BLTP1: variants seen among roughly 807,000 people sequenced by gnomAD.
BLTP1 encodes fragile site-associated protein.
the BLTP1 span, chr4:122,174,299 A>G: frequency 1.0e-5 from 10 of 985,074 alleles, no homozygotes; most frequent in Non-Finnish European, 1.2e-5. Flanking sequence ...ATGGCAGTGC[A>G]TAATTAAGGG....
the BLTP1 span, chr4:122,271,354 C>T: frequency 1.2e-6 from 2 of 1,613,838 alleles, no homozygotes; most frequent in Middle Eastern, 1.6e-4. Context: ...CCTTCAAAAC[C>T]AGAAAACATC....
At chr4:122,272,108 C>A in the BLTP1 span, 1 of 1,569,664 alleles carries the variant, frequency 6.4e-7, no homozygotes, top group Non-Finnish European at 8.6e-7. Flanking sequence ...GAATGTCCTT[C>A]CATTTTTCAG....
the BLTP1 span, among the ~76,000 whole-genome samples, chr4:122,164,152 TAGAA>T: frequency 2.6e-5 from 4 of 152,166 alleles, no homozygotes; most frequent in East Asian, 3.8e-4. Flanking sequence ...TTAAGAACCA[TAGAA>T]AGAAAGATGT....
chr4:122,240,009 G>A, the BLTP1 span: 2 of 1,614,026 alleles, frequency 1.2e-6, no homozygotes, highest in African/African-American at 2.7e-5. Context: ...GCCACTTACT[G>A]GACATGGAGA....
At chr4:122,286,038 G>A in the BLTP1 span, among the ~76,000 whole-genome samples, 5 of 152,272 alleles carry the variant, frequency 3.3e-5, no homozygotes, top group East Asian at 9.6e-4. Flanking sequence ...AGAGACATAT[G>A]TTTGTATAAT....
chr4:122,339,368 G>C, the BLTP1 span: 9 of 1,613,266 alleles, frequency 5.6e-6, no homozygotes, highest in East Asian at 2.2e-5. Flanking sequence ...ATGCTACTCA[G>C]AGTGGAACAA....
At chr4:122,245,164 G>A in the BLTP1 span, 4 of 1,576,760 alleles carry the variant, frequency 2.5e-6, no homozygotes, top group Middle Eastern at 1.7e-4. Flanking sequence ...AATTCAATGG[G>A]CATAGCAAAT....
the BLTP1 span, chr4:122,344,603 A>G: frequency 7.2e-7 from 1 of 1,390,492 alleles, no homozygotes. Context: ...ACTGTTTTCC[A>G]AAATTAAATA....
At chr4:122,269,352 A>C in the BLTP1 span, 1 of 923,468 alleles carries the variant, frequency 1.1e-6, no homozygotes, top group African/African-American at 1.8e-5. Flanking sequence ...ACAACAGACT[A>C]GACCTTCATT....
At chr4:122,276,974 C>A in the BLTP1 span, 23 of 979,778 alleles carry the variant, frequency 2.3e-5, no homozygotes, top group Non-Finnish European at 2.7e-5. Flanking sequence ...TGCAGCCCAG[C>A]AGAGATTATG....
chr4:122,235,039 G>A, the BLTP1 span: 106 of 1,577,716 alleles, frequency 6.7e-5, no homozygotes, highest in East Asian at 7.2e-4. Flanking sequence ...AAAATGTTTC[G>A]TCACTTGTGC....
the BLTP1 span, chr4:122,211,170 C>G: frequency 7.8e-7 from 1 of 1,280,302 alleles, no homozygotes; most frequent in East Asian, 2.5e-5. Flanking sequence ...AAATTGAGAC[C>G]GTTTGAAATA....
chr4:122,232,767 C>T, the BLTP1 span, among the ~76,000 whole-genome samples: 1 of 152,104 alleles, frequency 6.6e-6, no homozygotes, highest in Admixed American at 6.5e-5. Context: ...TACCTCAACC[C>T]TCAAGGTTGC....
the BLTP1 span, among the ~76,000 whole-genome samples, chr4:122,160,860 A>G: frequency 6.6e-6 from 1 of 152,042 alleles, no homozygotes; most frequent in Non-Finnish European, 1.5e-5. Flanking sequence ...ATGTCTTTAG[A>G]ATTGGTAACC....
At chr4:122,356,601 C>A in the BLTP1 span, 6 of 1,606,346 alleles carry the variant, frequency 3.7e-6, no homozygotes, top group Middle Eastern at 5.0e-4. Flanking sequence ...TTTATTAAAT[C>A]TTTTACCATA....
chr4:122,252,064 C>A, the BLTP1 span, among the ~76,000 whole-genome samples: 78 of 152,302 alleles, frequency 5.1e-4, no homozygotes, highest in Admixed American at 1.3e-4. Flanking sequence ...AGGGAACCCA[C>A]TGCATTGAAG....
At chr4:122,352,374 T>C in the BLTP1 span, among the ~76,000 whole-genome samples, 3 of 149,618 alleles carry the variant, frequency 2.0e-5, no homozygotes, top group African/African-American at 7.4e-5. Flanking sequence ...TTTTTTTTTT[T>C]TTTGAGACAG....
chr4:122,194,313 A>G, the BLTP1 span, among the ~76,000 whole-genome samples: 1 of 152,226 alleles, frequency 6.6e-6, no homozygotes. Context: ...GTTATTTGAA[A>G]ATTCTTGCAT....
the BLTP1 span, chr4:122,362,335 C>G: frequency 1.0e-6 from 1 of 999,250 alleles, no homozygotes; most frequent in Non-Finnish European, 1.4e-6. Context: ...TGAAATATAA[C>G]TTTAAAATAA....
Sources: allele counts gnomAD v4.1 joint callset (sites outside exome capture counted in the v4.1 genomes callset), GRCh38; gene constraint gnomAD v4.1.1; transcripts MANE v1.5; gene names NCBI Gene and HGNC (gene_info 2026-07-23, HGNC 2026-07-21).